RIMS2: variants seen among roughly 807,000 people sequenced by gnomAD.
The protein encoded by RIMS2 is regulating synaptic membrane exocytosis 2, also known as regulating synaptic membrane exocytosis protein 2.
RIMS2 carries 59 observed loss-of-function variants against 174.4 expected under a neutral mutation model. The observed-to-expected ratio is 0.34, with a 90% confidence interval of 0.27 to 0.42. The LOEUF (loss-of-function observed/expected upper bound fraction) is 0.42. Among genes scored for constraint, RIMS2 ranks in the 10% least tolerant of loss-of-function variants. RIMS2 has a pLI of 1.00. For missense variants in RIMS2, 1,620 were observed against 1,666.3 expected, an observed-to-expected ratio of 0.97 and a Z score of 0.48; for synonymous variants, 606 against 572.5, an observed-to-expected ratio of 1.06 and a Z score of -0.84.
intron 3 of RIMS2, among the ~76,000 whole-genome samples, chr8:103,825,563 C>T (rs544064703): frequency 6.6e-6 from 1 of 151,448 alleles, no homozygotes; most frequent in Non-Finnish European, 1.5e-5. Flanking sequence ...GGATTACAGA[C>T]ATGAGCCACT....
At chr8:103,616,895 A>G (rs541466388) in intron 1 of RIMS2, among the ~76,000 whole-genome samples, 5 of 152,358 alleles carry the variant, frequency 3.3e-5, no homozygotes, top group African/African-American at 1.2e-4. Flanking sequence ...ATGGAAAAAC[A>G]TCCCATGTTC....
chr8:103,960,331 G>T (rs1055728357), intron 14 of RIMS2, among the ~76,000 whole-genome samples: 1 of 152,088 alleles, frequency 6.6e-6, no homozygotes, highest in Non-Finnish European at 1.5e-5. Flanking sequence ...CTATAGATTT[G>T]TTATGTGAGG....
chr8:103,995,178 G>A (rs73295541), intron 17 of RIMS2, among the ~76,000 whole-genome samples: 2 of 151,926 alleles, frequency 1.3e-5, no homozygotes, highest in Admixed American at 6.6e-5. Flanking sequence ...TTGAGAGAAG[G>A]CTCATCGTGA....
At chr8:104,087,608 G>A (rs889941565) in intron 19 of RIMS2, among the ~76,000 whole-genome samples, 33 of 152,120 alleles carry the variant, frequency 2.2e-4, no homozygotes, top group African/African-American at 7.5e-4. Flanking sequence ...CTACCTAACT[G>A]TACTTCCTTC....
At chr8:103,705,773 C>T (rs1025352023) in intron 2 of RIMS2, among the ~76,000 whole-genome samples, 2 of 149,994 alleles carry the variant, frequency 1.3e-5, no homozygotes, top group Non-Finnish European at 3.0e-5. Flanking sequence ...CATGGAATAT[C>T]TTTTCCATGC....
intron 8 of RIMS2, 94 bp from the exon 12 acceptor site, chr8:103,918,347 C>T: frequency 1.5e-6 from 1 of 683,444 alleles, no homozygotes; most frequent in Non-Finnish European, 2.4e-6. Context: ...TCATTTTACA[C>T]TCTCCTATTA....
At position 104,003,053 on chromosome 8, in the gene RIMS2, TTAATAAA is replaced by T. The variant is rs2095447031; in HGVS notation, c.3045-10386_3045-10380del. 2.0e-5 allele frequency among the ~76,000 whole-genome samples: 3 copies of T among 152,248 alleles called. No individual in the cohort carries two copies. The South Asian group carries it at 6.2e-4, about 32-fold the overall frequency. On this transcript the variant is annotated intron_variant, in intron 17 of 23. Coordinates refer to ENST00000504942, the Ensembl canonical transcript of RIMS2. Reference sequence around the variant, plus strand: ...TCTTTATTAAAATATACCCTTTATTTTAATAAATATAACCTTTTTTAACATTTACCTT... The same window carrying T: ...TCTTTATTAAAATATACCCTTTATTTTATAACCTTTTTTAACATTTACCTT...
chr8:103,738,731 C>T (rs1241855224), intron 2 of RIMS2, among the ~76,000 whole-genome samples: 3 of 152,162 alleles, frequency 2.0e-5, no homozygotes, highest in African/African-American at 7.2e-5. Flanking sequence ...TATGAACAGA[C>T]ACTTCTCAAA....
chr8:103,554,861 GA>G (rs1324063523), intron 1 of RIMS2, among the ~76,000 whole-genome samples: 1 of 152,084 alleles, frequency 6.6e-6, no homozygotes, highest in Non-Finnish European at 1.5e-5. Context: ...GCCATAAAAA[GA>G]AGATCATGTC....
intron 16 of RIMS2, among the ~76,000 whole-genome samples, chr8:103,989,076 T>C (rs1004167895): frequency 6.6e-6 from 1 of 152,234 alleles, no homozygotes; most frequent in Non-Finnish European, 1.5e-5. Flanking sequence ...CCCACTGTTA[T>C]TAGTTTAATT....
intron 18 of RIMS2, among the ~76,000 whole-genome samples, 184 bp from the exon 21 acceptor site, chr8:104,014,322 A>C (rs1285630017): frequency 6.6e-6 from 1 of 152,208 alleles, no homozygotes; most frequent in Non-Finnish European, 1.5e-5. Flanking sequence ...TTACACCAAA[A>C]ATAAACATCT....
At chr8:103,895,486 T>C (rs1362280976) in intron 4 of RIMS2, among the ~76,000 whole-genome samples, 1 of 151,448 alleles carries the variant, frequency 6.6e-6, no homozygotes, top group Admixed American at 6.6e-5. Context: ...CTTATAAAGG[T>C]ACTAATTCCA....
chr8:104,144,893 G>A (rs558801649), intron 19 of RIMS2, among the ~76,000 whole-genome samples: 10 of 152,162 alleles, frequency 6.6e-5, no homozygotes, highest in Non-Finnish European at 8.8e-5. Context: ...GAATTTACCT[G>A]TGTCCCCTAG....
chr8:104,117,253 G>C (rs2098293267), intron 19 of RIMS2, among the ~76,000 whole-genome samples: 2 of 152,048 alleles, frequency 1.3e-5, no homozygotes, highest in African/African-American at 4.8e-5. Context: ...TAATATAGCT[G>C]AGCACAGTGT....
At chr8:104,194,992 GC>G (rs2099016874) in intron 19 of RIMS2, among the ~76,000 whole-genome samples, 1 of 152,192 alleles carries the variant, frequency 6.6e-6, no homozygotes, top group Non-Finnish European at 1.5e-5. Flanking sequence ...TAACAGGTAT[GC>G]CTTTTAGGTC....
chr8:103,811,972 T>G (rs976778187), intron 3 of RIMS2, among the ~76,000 whole-genome samples: 1 of 152,222 alleles, frequency 6.6e-6, no homozygotes, highest in Non-Finnish European at 1.5e-5. Flanking sequence ...CTTTTTTGAA[T>G]TAGATGCCAT....
At chr8:104,246,413 C>T (rs1197972295) in intron 20 of RIMS2, among the ~76,000 whole-genome samples, 3 of 151,688 alleles carry the variant, frequency 2.0e-5, no homozygotes, top group Non-Finnish European at 4.4e-5. Flanking sequence ...TACAATATTT[C>T]AGGCATGGTT....
intron 19 of RIMS2, among the ~76,000 whole-genome samples, chr8:104,242,295 A>C (rs984162570): frequency 2.0e-5 from 3 of 152,126 alleles, no homozygotes; most frequent in Non-Finnish European, 4.4e-5. Flanking sequence ...TTCAGGTCTA[A>C]ATACTTTAGC....
intron 1 of RIMS2, among the ~76,000 whole-genome samples, chr8:103,680,265 C>T (rs985040541): frequency 6.6e-6 from 1 of 151,958 alleles, no homozygotes; most frequent in Non-Finnish European, 1.5e-5. Context: ...ATTGATATCA[C>T]AAATCAGTGG....
Sources: allele counts gnomAD v4.1 joint callset (sites outside exome capture counted in the v4.1 genomes callset), GRCh38; gene constraint gnomAD v4.1.1; transcripts MANE v1.5; gene names NCBI Gene and HGNC (gene_info 2026-07-23, HGNC 2026-07-21).